The following SLK variants were observed in gnomAD, a reference collection of about 807,000 sequenced individuals.
SLK encodes the protein STE20-like serine/threonine-protein kinase.
In SLK, 67 loss-of-function variants were observed where a neutral mutation model predicts 147.7. That is an observed-to-expected ratio of 0.45 (90% confidence interval 0.37 to 0.56). SLK has a LOEUF of 0.56. Among genes scored for constraint, SLK ranks in the 20% least tolerant of loss-of-function variants. The probability of loss-of-function intolerance (pLI) is 0.00; values close to 1 mark genes in which losing one functional copy is unlikely to be tolerated. For missense variants in SLK, 1,136 were observed against 1,438.8 expected (o/e 0.79, Z 3.41); for synonymous variants, 441 against 475.0 (o/e 0.93, Z 0.93).
chr10:103,993,147 T>G lies in SLK; in HGVS notation c.514+14T>G, dbSNP rs1564655160. The stretch of plus-strand genomic sequence containing the variant: ...ATATCAAATTGGGTAAGTTATTCAC[T>G]TAAATAAAACATTAGAATTTTTACT... On this transcript the variant is annotated intron_variant, in intron 4 of 18. Coordinates refer to ENST00000369755, the MANE Select transcript of SLK (RefSeq NM_014720.4). The G allele has an allele frequency of 1.9e-6, 3 of 1,573,516 alleles. No homozygotes were observed. Among genetic ancestry groups the G allele is most frequent in the Non-Finnish European group, 1.7e-6 (2 of 1,155,316 alleles).
chr10:103,971,398 CG>C (rs1843791560), intron 1 of SLK, among the ~76,000 whole-genome samples: 1 of 152,136 alleles, frequency 6.6e-6, no homozygotes, highest in Admixed American at 6.5e-5. Context: ...CCTCAGCCTC[CG>C]GAGTAGTTGG....
chr10:103,985,214 GT>G (rs1478864186), intron 1 of SLK, among the ~76,000 whole-genome samples: 2 of 152,126 alleles, frequency 1.3e-5, no homozygotes, highest in East Asian at 3.8e-4. Flanking sequence ...TATACATAGG[GT>G]TTAGTACTAT....
intron 16 of SLK, 25 bp from the exon 17 acceptor site, chr10:104,020,463 G>A: frequency 6.2e-7 from 1 of 1,600,720 alleles, no homozygotes. Flanking sequence ...CTGAACTATA[G>A]TTTATCTTTT....
chr10:103,997,742 G>C (rs1470720418), intron 4 of SLK, among the ~76,000 whole-genome samples: 4 of 151,878 alleles, frequency 2.6e-5, no homozygotes, highest in African/African-American at 9.7e-5. Context: ...TCGCCTTTCA[G>C]AATTTTTCTA....
intron 1 of SLK, among the ~76,000 whole-genome samples, chr10:103,973,080 T>C (rs922586751): frequency 6.6e-6 from 1 of 152,246 alleles, no homozygotes; most frequent in Non-Finnish European, 1.5e-5. Flanking sequence ...CTTTTTGTGT[T>C]ATGTTTAAGA....
intron 13 of SLK, among the ~76,000 whole-genome samples, chr10:104,016,233 G>A (rs1844463614): frequency 6.6e-6 from 1 of 151,900 alleles, no homozygotes; most frequent in Admixed American, 6.6e-5. Context: ...GCAGGAGAAT[G>A]GCATGAACCC....
rs750707544 is a variant in SLK at position 104,005,708 on chromosome 10, C to G, written c.2480+17C>G. ...GTTTCTTAGGTGAGTAGAGAAACAA[C>G]GTAATTAAAACTGGTTTGTGACTTC... On this transcript the variant is annotated intron_variant, in intron 10 of 18. Coordinates refer to ENST00000369755, the MANE Select transcript of SLK (RefSeq NM_014720.4). 1 of 1,604,012 alleles carries G rather than the reference C, an allele frequency of 6.2e-7. No individual in the cohort carries two copies. The highest frequency in any genetic ancestry group is 8.5e-7 in the Non-Finnish European group (1 of 1,175,588).
chr10:103,984,804 AAGTACCCC>A (rs1312231842), intron 1 of SLK, among the ~76,000 whole-genome samples: 1 of 152,200 alleles, frequency 6.6e-6, no homozygotes, highest in African/African-American at 2.4e-5. Context: ...CCAAAATTGT[AAGTACCCC>A]AGCACAGAGA....
chr10:103,993,703 C>T (rs1477890677), intron 4 of SLK, among the ~76,000 whole-genome samples: 1 of 152,050 alleles, frequency 6.6e-6, no homozygotes, highest in Non-Finnish European at 1.5e-5. Flanking sequence ...AGATGTAGGT[C>T]TTATGAAAGT....
At chr10:103,988,841 G>T (rs1018997132) in intron 1 of SLK, among the ~76,000 whole-genome samples, 1 of 151,728 alleles carries the variant, frequency 6.6e-6, no homozygotes, top group African/African-American at 2.4e-5. Flanking sequence ...TCATGAACTT[G>T]TGAGATGTAG....
intron 18 of SLK, among the ~76,000 whole-genome samples, chr10:104,024,667 C>T (rs1844575271): frequency 6.6e-6 from 1 of 152,164 alleles, no homozygotes. Flanking sequence ...TATATCCTTC[C>T]TTCTTTTCCT....
chr10:103,976,961 A>G (rs1345827726), intron 1 of SLK, among the ~76,000 whole-genome samples: 1 of 152,174 alleles, frequency 6.6e-6, no homozygotes, highest in Admixed American at 6.5e-5. Context: ...GGGCTGTCCT[A>G]TGCACTGTAG....
At chr10:104,014,322 T>C (rs905631567) in intron 13 of SLK, among the ~76,000 whole-genome samples, 1 of 152,214 alleles carries the variant, frequency 6.6e-6, no homozygotes. Flanking sequence ...ATTCTCCTTA[T>C]TGTAGTTTTA....
At chr10:103,968,606 A>T (rs1843750458) in intron 1 of SLK, among the ~76,000 whole-genome samples, 1 of 152,248 alleles carries the variant, frequency 6.6e-6, no homozygotes, top group Non-Finnish European at 1.5e-5. Flanking sequence ...ACTATTTAAT[A>T]TCTCCTAAGG....
chr10:104,006,243 T>C (rs973342805), intron 11 of SLK, among the ~76,000 whole-genome samples: 3 of 152,250 alleles, frequency 2.0e-5, no homozygotes, highest in African/African-American at 7.2e-5. Flanking sequence ...AAGGATTTTC[T>C]ATCCCAGTCT....
At chr10:104,022,811 T>G (rs1334674533) in intron 18 of SLK, among the ~76,000 whole-genome samples, 2 of 152,192 alleles carry the variant, frequency 1.3e-5, no homozygotes, top group Admixed American at 1.3e-4. Context: ...CTTCGCCATG[T>G]TGGCCAGGCT....
chr10:103,994,071 A>T (rs1422149363), intron 4 of SLK, among the ~76,000 whole-genome samples: 1 of 151,910 alleles, frequency 6.6e-6, no homozygotes, highest in Non-Finnish European at 1.5e-5. Flanking sequence ...ATTTTTAAAA[A>T]TTTTTTTGTA....
intron 4 of SLK, 47 bp from the exon 5 acceptor site, chr10:103,998,852 A>G (rs1844208781): frequency 8.8e-6 from 12 of 1,366,120 alleles, no homozygotes; most frequent in Non-Finnish European, 1.1e-5. Context: ...AATACAATGA[A>G]CAATGCTTAA....
At chr10:104,023,383 G>A (rs11191897) in intron 18 of SLK, among the ~76,000 whole-genome samples, 29,815 of 152,114 alleles carry the variant, frequency 0.2, 3,219 homozygotes, top group Non-Finnish European at 0.24. Flanking sequence ...AAGTCATACA[G>A]GTGTGTGTTC....
Sources: allele counts gnomAD v4.1 joint callset (sites outside exome capture counted in the v4.1 genomes callset), GRCh38; gene constraint gnomAD v4.1.1; transcripts MANE v1.5; gene names NCBI Gene and HGNC (gene_info 2026-07-23, HGNC 2026-07-21).